Variants in RFX6 observed in about 807,000 individuals in gnomAD.
The protein encoded by RFX6 is regulatory factor X6, also known as DNA-binding protein RFX6.
In RFX6, 50 loss-of-function variants were observed where a neutral mutation model predicts 110.8. The ratio of observed to expected loss-of-function variants is 0.45; its 90% CI spans 0.36 to 0.57. The LOEUF (loss-of-function observed/expected upper bound fraction) is 0.57, where lower values mean the gene tolerates loss of function less well. RFX6 is among the 20% of genes least tolerant of loss of function. The pLI is 0.00. For missense variants in RFX6, 990 were observed against 1,127.0 expected (o/e 0.88, Z 1.74); for synonymous variants, 383 against 411.2 (o/e 0.93, Z 0.83).
In RFX6 at chr6:116,922,159, T is replaced by A. The variant is rs377555960; in HGVS notation, c.1437+8T>A. 2.9e-4 allele frequency: 341 copies of A among 1,189,862 alleles called. No homozygotes were observed. Among genetic ancestry groups the A allele is most frequent in the Middle Eastern group, 3.8e-4 (2 of 5,240 alleles). The allele number at this position is 1,189,862 out of a possible 1,614,324, so 73.7% of individuals were successfully genotyped here. ...GAACAGAGAGTTATTAAGGTACTTT[T>A]TAATGACAGATTCAGAAAATAAGTT... On this transcript the variant is annotated splice_region_variant and intron_variant, in intron 13 of 18. Transcript: ENST00000332958.
intron 6 of RFX6, among the ~76,000 whole-genome samples, chr6:116,900,120 G>A (rs1181831187): frequency 1.3e-5 from 2 of 152,182 alleles, no homozygotes; most frequent in East Asian, 3.8e-4. Flanking sequence ...GTTGGTGAAG[G>A]TAGGATGAGA....
intron 9 of RFX6, 35 bp from the exon 10 acceptor site, chr6:116,918,001 TA>T: frequency 1.4e-6 from 2 of 1,446,310 alleles, no homozygotes. Context: ...AAATACTAAG[TA>T]AAGATTTGTA....
chr6:116,880,258 T>C (rs1325063318), intron 2 of RFX6, among the ~76,000 whole-genome samples: 1 of 152,076 alleles, frequency 6.6e-6, no homozygotes, highest in Non-Finnish European at 1.5e-5. Flanking sequence ...TGATGAACCA[T>C]GAGGTTTATA....
At chr6:116,923,757 C>A (rs895701186) in intron 14 of RFX6, among the ~76,000 whole-genome samples, 5 of 152,168 alleles carry the variant, frequency 3.3e-5, no homozygotes, top group African/African-American at 1.2e-4. Context: ...CCCATCTTTC[C>A]TGTTCTATAT....
At chr6:116,929,355 A>G (rs1257854626) in intron 18 of RFX6, among the ~76,000 whole-genome samples, 2 of 152,134 alleles carry the variant, frequency 1.3e-5, no homozygotes, top group African/African-American at 4.8e-5. Context: ...GTGCCAAGAG[A>G]TATCTTTAGG....
At chr6:116,917,306 A>C (rs2062794960) in intron 9 of RFX6, among the ~76,000 whole-genome samples, 1 of 151,212 alleles carries the variant, frequency 6.6e-6, no homozygotes, top group Non-Finnish European at 1.5e-5. Flanking sequence ...GTTCAAGTTG[A>C]AAAAATTTCA....
intron 9 of RFX6, 31 bp downstream of exon 9, chr6:116,916,345 C>T (rs1411454462): frequency 8.0e-7 from 1 of 1,242,790 alleles, no homozygotes; most frequent in Admixed American, 1.7e-5. Flanking sequence ...TAAACATGAG[C>T]CATTTATTTC....
intron 4 of RFX6, among the ~76,000 whole-genome samples, chr6:116,886,507 C>T (rs542966517): frequency 7.2e-5 from 11 of 152,248 alleles, no homozygotes; most frequent in African/African-American, 2.6e-4. Context: ...TTGGAAAACA[C>T]TAATCTATGT....
At chr6:116,906,912 A>G (rs1169105339) in intron 6 of RFX6, among the ~76,000 whole-genome samples, 2 of 149,116 alleles carry the variant, frequency 1.3e-5, no homozygotes, top group African/African-American at 4.9e-5. Flanking sequence ...TACCATGTTG[A>G]GTAGAAGTGA....
At chr6:116,905,909 A>C (rs1192011789) in intron 6 of RFX6, among the ~76,000 whole-genome samples, 1 of 150,968 alleles carries the variant, frequency 6.6e-6, no homozygotes, top group Non-Finnish European at 1.5e-5. Context: ...GTCCTATATA[A>C]AATTTTTTTT....
In RFX6 at chr6:116,920,925, A is replaced by G. The variant is rs1383089136; in HGVS notation, c.1327+471A>G. On this transcript the variant is annotated intron_variant, in intron 12 of 18. Transcript: ENST00000332958. ...GTATAGAAATTTACATGTGTTTTAT[A>G]GTCTTGTCATCCTGTGGTGTGTGAT... Among the ~76,000 whole-genome samples, 3 of 152,302 alleles carry G rather than the reference A, an allele frequency of 2.0e-5. No homozygotes were observed. In the East Asian group the frequency reaches 5.8e-4, roughly 29 times the overall value.
intron 4 of RFX6, among the ~76,000 whole-genome samples, chr6:116,889,476 G>A (rs1774773468): frequency 6.6e-6 from 1 of 152,068 alleles, no homozygotes; most frequent in South Asian, 2.1e-4. Context: ...AAATGACCAA[G>A]GGAGGAGTTC....
At chr6:116,930,724 A>G (rs627551) in intron 18 of RFX6, among the ~76,000 whole-genome samples, 36,923 of 152,016 alleles carry the variant, frequency 0.24, 4,872 homozygotes, top group South Asian at 0.42. Flanking sequence ...ATCAGAATAA[A>G]TTTGAAAAAA....
chr6:116,919,094 A>AT (rs757784880), intron 10 of RFX6, 43 bp from the exon 11 acceptor site: 2 of 1,553,410 alleles, frequency 1.3e-6, no homozygotes, highest in Non-Finnish European at 1.8e-6. Flanking sequence ...TGTTTAATGC[A>AT]TTTTTTAACA....
chr6:116,901,828 T>C lies in RFX6; in HGVS notation c.672+6621T>C, dbSNP rs148705149. On this transcript the variant is annotated intron_variant, in intron 6 of 18. Transcript: ENST00000332958. ...CTAGTGAAGTTGAAGATTTACACAC[T>C]TTATGACTGCATTCCTAAAGAAACC... is the stretch of plus-strand genomic sequence containing the variant. 4.6e-3 allele frequency among the ~76,000 whole-genome samples: 699 copies of C among 152,258 alleles called. 4 individuals carry two copies. The highest frequency in any genetic ancestry group is 0.016 in the African/African-American group (668 of 41,566).
At chr6:116,889,324 G>A (rs1774769795) in intron 4 of RFX6, among the ~76,000 whole-genome samples, 1 of 152,066 alleles carries the variant, frequency 6.6e-6, no homozygotes, top group Non-Finnish European at 1.5e-5. Context: ...AAATGTATGA[G>A]GATTTTTCTT....
chr6:116,928,857 C>G lies in RFX6; in HGVS notation c.2497C>G (p.Pro833Ala), dbSNP rs1156588510. The change falls in exon 18 of 19, where the codon CCC becomes GCC. Residue 833 changes from proline to alanine, a missense_variant. By Grantham distance (27) the Pro-to-Ala change is conservative. Coordinates refer to ENST00000332958, the MANE Select transcript of RFX6 (RefSeq NM_173560.4). ...SVISSIRSLP[P>A]YSDIHDPLNI... is the part of the protein sequence containing the mutation. ...CATCAGCAGCATTCGTTCACTGCCC[C>G]CCTACAGTGACATCCACGATCCACT... is the stretch of plus-strand genomic sequence containing the variant. The G allele has an allele frequency of 3.7e-6, 6 of 1,612,272 alleles. No individual in the cohort carries two copies. Among genetic ancestry groups the G allele is most frequent in the Non-Finnish European group, 1.7e-6 (2 of 1,178,432 alleles).
At position 116,931,371 on chromosome 6, in the gene RFX6, A is replaced by G. The variant is rs150612938; in HGVS notation, c.2652A>G (p.Gln884=). Residue 884 remains glutamine, a synonymous_variant, in exon 19 of 19, where the codon CAA becomes CAG. Coordinates refer to ENST00000332958, the MANE Select transcript of RFX6 (RefSeq NM_173560.4). Reference sequence around the variant, plus strand: ...CCCCAATTCCTTCTTCCTCATCCCAATGTATGTATGGAACTTCCAACCAGT... The same window carrying G: ...CCCCAATTCCTTCTTCCTCATCCCAGTGTATGTATGGAACTTCCAACCAGT... ...LQTPIPSSSS[Q]CMYGTSNQYP... is the part of the protein sequence containing the mutation. 4.0e-5 allele frequency: 64 copies of G among 1,613,322 alleles called. No individual in the cohort carries two copies. In the African/African-American group the frequency reaches 7.3e-4, roughly 18 times the overall value.
intron 4 of RFX6, among the ~76,000 whole-genome samples, chr6:116,887,701 AAG>A (rs1369071462): frequency 2.0e-5 from 3 of 152,218 alleles, no homozygotes; most frequent in African/African-American, 7.2e-5. Flanking sequence ...CGTGATGCTA[AAG>A]AGTTTTTGAG....
Sources: gnomAD v4.1 joint callset for allele counts (sites outside exome capture counted in the v4.1 genomes callset) on GRCh38, gnomAD v4.1.1 for gene constraint, MANE v1.5 for transcripts, NCBI Gene and HGNC (gene_info 2026-07-23, HGNC 2026-07-21) for gene names.